CHRD: variants seen among roughly 807,000 people sequenced by gnomAD.
CHRD encodes the protein chordin.
A neutral mutation model predicts 113.7 loss-of-function variants in CHRD; 69 were observed. The observed-to-expected ratio is 0.61, with a 90% CI of 0.50 to 0.74. The LOEUF is 0.74. CHRD is among the 30% of genes least tolerant of loss of function. The pLI is 0.00. For synonymous variants in CHRD, 561 were observed against 540.8 expected (o/e 1.04, Z -0.52); for missense variants, 1,194 against 1,295.8 (o/e 0.92, Z 1.21).
In CHRD at chr3:184,388,270, TCCA is replaced by T. The variant is rs1716655695; in HGVS notation, c.2554+238_2554+240del. On this transcript the variant is annotated intron_variant, in intron 20 of 22. Coordinates refer to ENST00000204604, the Ensembl canonical transcript of CHRD. The surrounding 1 kb of genome is among the most constrained non-coding windows in gnomAD (Gnocchi z 6.1). The stretch of plus-strand genomic sequence containing the variant: ...ATCCATCCATCCATCCATCCATCCA[TCCA>T]TCCATCCATCCGTCCATTCATCTAT... Among the ~76,000 whole-genome samples, 3 of 150,604 alleles carry T rather than the reference TCCA, an allele frequency of 2.0e-5. No individual in the cohort carries two copies. The highest frequency in any genetic ancestry group is 1.3e-4 in the Admixed American group (2 of 15,140).
In CHRD at chr3:184,387,173, G is replaced by A; in HGVS notation, c.2347+66G>A. ...GAGCCATTAGGTTGAACCAGGAGGG[G>A]GACAAGAAGGGGAGAGTATATAGGG... On this transcript the variant is annotated intron_variant, in intron 18 of 22. Coordinates refer to ENST00000204604, the Ensembl canonical transcript of CHRD. This position sits in a 1 kb window ranked among gnomAD's most constrained non-coding sequence, Gnocchi z 6.1. The A allele has an allele frequency of 1.4e-6, 2 of 1,472,918 alleles. No homozygotes were observed. Among genetic ancestry groups the A allele is most frequent in the Non-Finnish European group, 1.9e-6 (2 of 1,052,660 alleles). The allele number at this position is 1,472,918 out of a possible 1,614,324, so 91.2% of individuals were successfully genotyped here. A position where few individuals can be genotyped will look rare whatever the true frequency, so the allele number is the denominator to read the frequency against.
Position 184,381,444 on chromosome 3 carries a change from T to A in CHRD, c.383-52T>A. The A allele has an allele frequency of 6.3e-6, 10 of 1,595,528 alleles. No individual in the cohort carries two copies. The highest frequency in any genetic ancestry group is 7.7e-6 in the Non-Finnish European group (9 of 1,171,150). ...GGGCCACTTGGATGGGGCGTCGGAC[T>A]GGCCTTTCCCATGGCCAGCTGAAGC... On this transcript the variant is annotated intron_variant, in intron 3 of 22. Coordinates refer to ENST00000204604, the Ensembl canonical transcript of CHRD. This position sits in a 1 kb window ranked among gnomAD's most constrained non-coding sequence, Gnocchi z 4.7.
rs866804493 is a variant in CHRD, at chr3:184,380,931, G to A, written c.252+136G>A. ...GGGGATATTTTTCTGGTGGAGGAAG[G>A]GGAATCAGCCCCTCCAATTCTTAGG... On this transcript the variant is annotated intron_variant, in intron 2 of 22. Coordinates refer to ENST00000204604, the Ensembl canonical transcript of CHRD. This position sits in a 1 kb window ranked among gnomAD's most constrained non-coding sequence, Gnocchi z 6.3. 6.0e-5 allele frequency: 46 copies of A among 771,310 alleles called. 1 individual carries two copies. The highest frequency in any genetic ancestry group is 5.0e-4 in the Middle Eastern group (2 of 4,016). The allele number at this position is 771,310 out of a possible 1,614,324, so 47.8% of individuals were successfully genotyped here. A position where few individuals can be genotyped will look rare whatever the true frequency, so the allele number is the denominator to read the frequency against.
At position 184,388,886 on chromosome 3, in the gene CHRD, G is replaced by A; in HGVS notation, c.2710-7G>A. ...GGACACTCAGTGTCTGCTCTGTCTT[G>A]TACCAGGCAGGGGTGCCTCACTGTG... On this transcript the variant is annotated splice_polypyrimidine_tract_variant and splice_region_variant and intron_variant, in intron 21 of 22. Coordinates refer to ENST00000204604, the Ensembl canonical transcript of CHRD. This position sits in a 1 kb window ranked among gnomAD's most constrained non-coding sequence, Gnocchi z 6.1. 6.2e-7 allele frequency: 1 copy of A among 1,612,104 alleles called. No individual in the cohort carries two copies. Among genetic ancestry groups the A allele is most frequent in the Non-Finnish European group, 8.5e-7 (1 of 1,178,892 alleles).
At chr3:184,385,347 G>A in intron 14 of CHRD, 109 bp downstream of exon 14, 2 of 761,384 alleles carry the variant, frequency 2.6e-6, no homozygotes, top group Non-Finnish European at 4.3e-6. Context: ...TGGTATAGAA[G>A]AGCTGGCATA....
exon 12 of CHRD, chr3:184,383,625 C>G: frequency 1.2e-6 from 2 of 1,612,206 alleles, no homozygotes; most frequent in Non-Finnish European, 1.7e-6. Context: ...GGCTGGACTC[C>G]AGCCAGGAGG....
At chr3:184,390,331 T>G (rs911968394), downstream of CHRD, 3 of 152,178 alleles carry the variant, frequency 2.0e-5, no homozygotes, top group Admixed American at 6.6e-5. Flanking sequence ...CTTGAACTCC[T>G]GGCCTCAAGT....
At chr3:184,389,737 AAGGGCCC>A in exon 23 of CHRD, 1 of 309,060 alleles carries the variant, frequency 3.2e-6, no homozygotes, top group South Asian at 5.5e-5. Context: ...ACTCAGCACC[AAGGGCCC>A]CCGACACTCC....
chr3:184,383,579 T>G, exon 12 of CHRD: 1 of 1,614,054 alleles, frequency 6.2e-7, no homozygotes, highest in African/African-American at 1.3e-5. Flanking sequence ...AGACCAAGCC[T>G]CAGCGGAGGG....
intron 7 of CHRD, 22 bp from the exon 8 acceptor site, chr3:184,382,612 C>G (rs779699590): frequency 4.3e-6 from 7 of 1,610,932 alleles, no homozygotes; most frequent in South Asian, 1.1e-5. Flanking sequence ...CTGACGGGCT[C>G]TCATCATCGT....
chr3:184,386,160 G>T lies in CHRD; in HGVS notation c.1932+1G>T. The T allele has an allele frequency of 6.2e-7, 1 of 1,614,068 alleles. No homozygotes were observed. Among genetic ancestry groups the T allele is most frequent in the Non-Finnish European group, 8.5e-7 (1 of 1,179,972 alleles). On this transcript the variant is annotated splice_donor_variant, in intron 15 of 22. Coordinates refer to ENST00000204604, the Ensembl canonical transcript of CHRD. LOFTEE classifies it high-confidence loss of function. ...CCCCAGAGGGGAGCTCCGAGGGCAG[G>T]TAGGTGGCGAGTGTGGGCAGTGGGG...
In CHRD at chr3:184,384,611, G is replaced by T. The variant is rs759198813; in HGVS notation, c.1515G>T (p.Val505=). 1 of 1,609,568 alleles carries T rather than the reference G, an allele frequency of 6.2e-7. No individual in the cohort carries two copies. Among genetic ancestry groups the T allele is most frequent in the African/African-American group, 1.3e-5 (1 of 74,834 alleles). The change falls in exon 13 of 23, where the codon GTG becomes GTT. Residue 505 remains valine, a synonymous_variant. Transcript: ENST00000204604. The surrounding 1 kb of genome is among the most constrained non-coding windows in gnomAD (Gnocchi z 4.4). Reference sequence around the variant, plus strand: ...TGCAGAATGAGCTCTTCCTGAACGTGGGCACCAAGGACTTCCCAGACGGAG... The same window carrying T: ...TGCAGAATGAGCTCTTCCTGAACGTTGGCACCAAGGACTTCCCAGACGGAG...
At position 184,388,601 on chromosome 3, in the gene CHRD, CACCCCCAGCTGGGGG is replaced by C. The variant is rs1716749290; in HGVS notation, c.2575_2589del (p.Gln859_Pro863del). ...CCTCTCAACAGTGGGGTCGGGGGCCCACCCCCAGCTGGGGGACCCCATGCAGGCTGATGGGCCCCG... is the reference window on the plus strand; with the variant it reads ...CCTCTCAACAGTGGGGTCGGGGGCCCACCCCATGCAGGCTGATGGGCCCCG... On this transcript the variant is annotated inframe_deletion, in exon 21 of 23. Transcript: ENST00000204604. This position sits in a 1 kb window ranked among gnomAD's most constrained non-coding sequence, Gnocchi z 6.1. 6.2e-7 allele frequency: 1 copy of C among 1,611,262 alleles called. No homozygotes were observed. The highest frequency in any genetic ancestry group is 1.3e-5 in the African/African-American group (1 of 75,064).
chr3:184,389,656 G>A (rs1716906248), exon 23 of CHRD: 1 of 542,282 alleles, frequency 1.8e-6, no homozygotes, highest in Non-Finnish European at 3.3e-6. Context: ...CTCGGCCTCT[G>A]TCCTGGAAGC....
chr3:184,388,624 G>A lies in CHRD; in HGVS notation c.2592G>A (p.Met864Ile). ...CCCACCCCCAGCTGGGGGACCCCAT[G>A]CAGGCTGATGGGCCCCGGGGCTGCC... Residue 864 changes from methionine to isoleucine, a missense_variant, in exon 21 of 23, where the codon ATG becomes ATA. By Grantham distance (10) the Met-to-Ile change is conservative (BLOSUM62 1). Coordinates refer to ENST00000204604, the Ensembl canonical transcript of CHRD. This position sits in a 1 kb window ranked among gnomAD's most constrained non-coding sequence, Gnocchi z 6.1. The A allele has an allele frequency of 6.2e-7, 1 of 1,613,084 alleles. No homozygotes were observed.
chr3:184,389,147 G>A (rs747368660), intron 22 of CHRD, 152 bp downstream of exon 22: 24 of 679,202 alleles, frequency 3.5e-5, no homozygotes, highest in East Asian at 1.1e-4. Context: ...GCAACCTGGT[G>A]GAATTGTTAT....
Position 184,381,050 on chromosome 3 carries a change from AGAGT to A in CHRD, c.253-184_253-181del, listed in dbSNP as rs1183885973. The A allele has an allele frequency of 2.6e-6, 2 of 770,492 alleles. No homozygotes were observed. The highest frequency in any genetic ancestry group is 4.5e-6 in the Non-Finnish European group (2 of 446,032). The allele number at this position is 770,492 out of a possible 1,614,324, so 47.7% of individuals were successfully genotyped here. A position where few individuals can be genotyped will look rare whatever the true frequency, so the allele number is the denominator to read the frequency against. Reference sequence around the variant, plus strand: ...CTCTCATGGCAGCCTTGCTAGATAGAGAGTATTATTATCCCCATTTTCCAGACAG... The same window carrying A: ...CTCTCATGGCAGCCTTGCTAGATAGAATTATTATCCCCATTTTCCAGACAG... On this transcript the variant is annotated intron_variant, in intron 2 of 22. Coordinates refer to ENST00000204604, the Ensembl canonical transcript of CHRD. The surrounding 1 kb of genome is among the most constrained non-coding windows in gnomAD (Gnocchi z 4.7).
chr3:184,385,806 G>A (rs1716185865), intron 14 of CHRD, among the ~76,000 whole-genome samples: 1 of 151,030 alleles, frequency 6.6e-6, no homozygotes, highest in Non-Finnish European at 1.5e-5. Context: ...TGGATAGTAT[G>A]TAATATCCTG....
rs146476400 is a variant in CHRD at position 184,386,900 on chromosome 3, C to T, written c.2252C>T (p.Pro751Leu). The change falls in exon 17 of 23, where the codon CCG becomes CTG. Residue 751 changes from proline (P) to leucine (L), a missense_variant. Coordinates refer to ENST00000204604, the Ensembl canonical transcript of CHRD. ...TGCCCACCGCCCAGCTGCCCACACC[C>T]GGTGCAGGCTCCCGACCAGTGCTGC... is the stretch of plus-strand genomic sequence containing the variant. The T allele has an allele frequency of 2.0e-5, 32 of 1,614,224 alleles. No individual in the cohort carries two copies. Among genetic ancestry groups the T allele is most frequent in the Middle Eastern group, 1.6e-4 (1 of 6,062 alleles).
Sources: gnomAD v4.1 joint callset for allele counts (sites outside exome capture counted in the v4.1 genomes callset) on GRCh38, gnomAD v4.1.1 for gene constraint, Gnocchi (gnomAD v3.1) non-coding constraint, MANE v1.5 for transcripts, NCBI Gene and HGNC (gene_info 2026-07-23, HGNC 2026-07-21) for gene names.